The following SLC18A1 variants were observed in gnomAD, a reference collection of about 807,000 sequenced individuals.
SLC18A1 encodes the protein chromaffin granule amine transporter.
SLC18A1 carries 69 observed loss-of-function variants against 53.7 expected under a neutral mutation model. The ratio of observed to expected loss-of-function variants is 1.28; its 90% CI spans 1.06 to 1.57. The LOEUF (loss-of-function observed/expected upper bound fraction) is 1.57. Among genes scored for constraint, SLC18A1 ranks in the 40% most tolerant of loss-of-function variants. The pLI is 0.00. For missense variants in SLC18A1, 932 were observed against 668.1 expected (o/e 1.40, Z -4.35); for synonymous variants, 320 against 248.1 (o/e 1.29, Z -2.72).
At chr8:20,177,691 T>C (rs1563770679) in intron 4 of SLC18A1, among the ~76,000 whole-genome samples, 1 of 152,158 alleles carries the variant, frequency 6.6e-6, no homozygotes, top group Non-Finnish European at 1.5e-5. Context: ...GGTGTGTTGT[T>C]GGAGAGCAGA....
chr8:20,155,617 A>C (rs1585197313), intron 10 of SLC18A1, among the ~76,000 whole-genome samples: 1 of 151,734 alleles, frequency 6.6e-6, no homozygotes, highest in South Asian at 2.1e-4. Flanking sequence ...TCTGACCCAT[A>C]CCTCCTGGGT....
At position 20,145,843 on chromosome 8, in the gene SLC18A1, G is replaced by T; in HGVS notation, c.1498C>A (p.Arg500=). 7.4e-6 allele frequency: 12 copies of T among 1,611,478 alleles called. No homozygotes were observed. Among genetic ancestry groups the T allele is most frequent in the Non-Finnish European group, 1.0e-5 (12 of 1,178,824 alleles). ...GTGGGCTTCTGGGTTGCATACATCC[G>T]GGTCTCCATGGGGCAGTCCTGACTC... ...ILSQDCPMET[R]MYATQKPTKE... The change falls in exon 16 of 16, where the codon CGG becomes AGG. Residue 500 remains arginine, a synonymous_variant. Coordinates refer to ENST00000276373, the MANE Select transcript of SLC18A1 (RefSeq NM_003053.4).
At chr8:20,154,771 G>A (rs2088342) in intron 10 of SLC18A1, among the ~76,000 whole-genome samples, 117,109 of 152,104 alleles carry the variant, frequency 0.77, 45,644 homozygotes, top group African/African-American at 0.88. Context: ...CACTCTATTA[G>A]ATCTTGCAAC....
chr8:20,151,249 A>G (rs567983249), intron 10 of SLC18A1, among the ~76,000 whole-genome samples: 1 of 151,778 alleles, frequency 6.6e-6, no homozygotes, highest in African/African-American at 2.4e-5. Flanking sequence ...GGCCTCCCAA[A>G]GTGCTGGGAT....
At chr8:20,153,395 A>AGGCTG (rs1291615296) in intron 10 of SLC18A1, among the ~76,000 whole-genome samples, 1 of 152,226 alleles carries the variant, frequency 6.6e-6, no homozygotes, top group Admixed American at 6.5e-5. Flanking sequence ...AAGTGAGGAC[A>AGGCTG]GGCTGGGCGC....
At chr8:20,168,166 G>T (rs2072017793) in intron 8 of SLC18A1, among the ~76,000 whole-genome samples, 1 of 152,068 alleles carries the variant, frequency 6.6e-6, no homozygotes, top group South Asian at 2.1e-4. Context: ...GGGAGGCCAG[G>T]AGTTCAAGGC....
At position 20,179,309 on chromosome 8, in the gene SLC18A1, T is replaced by A; in HGVS notation, c.300A>T (p.Ile100=). The change falls in exon 3 of 16, where the codon ATA becomes ATT. Residue 100 remains isoleucine, a synonymous_variant. Transcript: ENST00000276373. ...TGCTGGCAGTGTCATTCATCCATGCTATTCCACTAGGTACGCTTTCTTCAA... is the reference window on the plus strand; with the variant it reads ...TGCTGGCAGTGTCATTCATCCATGCAATTCCACTAGGTACGCTTTCTTCAA... ...VAVEESVPSG[I]AWMNDTASTI... The A allele has an allele frequency of 6.2e-7, 1 of 1,614,232 alleles. No homozygotes were observed. The highest frequency in any genetic ancestry group is 8.5e-7 in the Non-Finnish European group (1 of 1,180,042).
chr8:20,152,547 G>A (rs1179858842), intron 10 of SLC18A1, among the ~76,000 whole-genome samples: 1 of 152,158 alleles, frequency 6.6e-6, no homozygotes, highest in Non-Finnish European at 1.5e-5. Context: ...GATAACCTAG[G>A]TTTTTGTCTT....
intron 10 of SLC18A1, 102 bp downstream of exon 10, chr8:20,164,767 C>T: frequency 1.1e-6 from 1 of 876,202 alleles, no homozygotes; most frequent in Non-Finnish European, 1.8e-6. Flanking sequence ...GGAGGTCATT[C>T]TACAAAGGAA....
chr8:20,166,736 G>A (rs2071977190), intron 8 of SLC18A1, among the ~76,000 whole-genome samples: 1 of 152,134 alleles, frequency 6.6e-6, no homozygotes, highest in Admixed American at 6.5e-5. Flanking sequence ...AAATTAGTAT[G>A]TTGAAGTCCT....
Position 20,179,268 on chromosome 8 carries a change from G to A in SLC18A1, c.341C>T (p.Ala114Val), listed in dbSNP as rs868160932. 6.2e-7 allele frequency: 1 copy of A among 1,614,206 alleles called. No homozygotes were observed. Among genetic ancestry groups the A allele is most frequent in the East Asian group, 2.2e-5 (1 of 44,872 alleles). ...TTTATGAGCTGAGATGGCTTCAGTG[G>A]CTGGAGGTGGGATGGTGCTGGCAGT... ...NDTASTIPPPATEAISAHKNN... is the reference protein window; with the variant it reads ...NDTASTIPPPVTEAISAHKNN... Residue 114 changes from alanine (A) to valine (V), a missense_variant, in exon 3 of 16, where the codon GCC becomes GTC. By Grantham distance (64) the Ala-to-Val change is moderately conservative (BLOSUM62 0). Transcript: ENST00000276373.
intron 8 of SLC18A1, among the ~76,000 whole-genome samples, chr8:20,170,255 G>A (rs1048086199): frequency 3.9e-5 from 6 of 152,190 alleles, no homozygotes; most frequent in Non-Finnish European, 8.8e-5. Context: ...TTATGTCATA[G>A]TTTCAAATTC....
In SLC18A1 at chr8:20,145,571, G is replaced by T. The variant is rs187833299; in HGVS notation, c.*192C>A. The T allele has an allele frequency of 2.5e-4, 108 of 431,252 alleles. No individual in the cohort carries two copies. Among genetic ancestry groups the T allele is most frequent in the Admixed American group, 5.5e-4 (13 of 23,700 alleles). 26.7% of individuals were successfully genotyped at this position (431,252 alleles called of 1,614,324 possible). On this transcript the variant is annotated 3_prime_UTR_variant, in exon 16 of 16. Coordinates refer to ENST00000276373, the MANE Select transcript of SLC18A1 (RefSeq NM_003053.4). ...AAAGATGGGCCACTGCGGCACCAAG[G>T]CATAGAGGAAGAGCTACAAGTTACA...
intron 2 of SLC18A1, 133 bp downstream of exon 2, chr8:20,180,705 CCAA>C (rs1255196329): frequency 8.9e-6 from 10 of 1,120,224 alleles, no homozygotes; most frequent in Non-Finnish European, 1.3e-6. Context: ...TTTCCAGTCC[CCAA>C]CAACCTCTGT....
At chr8:20,148,468 C>T in intron 12 of SLC18A1, 1 of 1,290,092 alleles carries the variant, frequency 7.8e-7, no homozygotes. Flanking sequence ...CCTCTGTTTT[C>T]CATTATGGAC....
chr8:20,170,774 T>G (rs1282173621), intron 8 of SLC18A1, among the ~76,000 whole-genome samples: 2 of 152,148 alleles, frequency 1.3e-5, no homozygotes, highest in Non-Finnish European at 2.9e-5. Context: ...TATATATATA[T>G]ATATGGAGAT....
intron 4 of SLC18A1, among the ~76,000 whole-genome samples, chr8:20,177,668 C>T (rs1023702618): frequency 4.6e-5 from 7 of 152,158 alleles, no homozygotes; most frequent in East Asian, 3.9e-4. Context: ...AAGAAAAACG[C>T]GAGGGAGAAG....
intron 10 of SLC18A1, 35 bp downstream of exon 10, chr8:20,164,834 G>A (rs747536359): frequency 1.3e-6 from 2 of 1,530,342 alleles, no homozygotes; most frequent in South Asian, 1.2e-5. Context: ...ACCTCCTCCT[G>A]CCAGGCCCTG....
chr8:20,161,818 G>C (rs2071837355), intron 10 of SLC18A1, among the ~76,000 whole-genome samples: 2 of 152,148 alleles, frequency 1.3e-5, no homozygotes, highest in African/African-American at 4.8e-5. Context: ...GGACCCCTAA[G>C]GCATCAGGCA....
Sources: allele counts gnomAD v4.1 joint callset (sites outside exome capture counted in the v4.1 genomes callset), GRCh38; gene constraint gnomAD v4.1.1; transcripts MANE v1.5; gene names NCBI Gene and HGNC (gene_info 2026-07-23, HGNC 2026-07-21).